The following TMPRSS15 variants were observed in gnomAD, a reference collection of about 807,000 sequenced individuals.
TMPRSS15 encodes transmembrane serine protease 15, also known as enteropeptidase.
TMPRSS15 carries 128 observed loss-of-function variants against 125.3 expected under a neutral mutation model. The ratio of observed to expected loss-of-function variants is 1.02; its 90% CI spans 0.89 to 1.18. TMPRSS15 has a LOEUF of 1.18. Among genes scored for constraint, TMPRSS15 ranks in the 50% most tolerant of loss-of-function variants. The pLI is 0.00. For synonymous variants in TMPRSS15, 446 were observed against 423.2 expected (o/e 1.05, Z -0.66); for missense variants, 1,283 against 1,212.7 (o/e 1.06, Z -0.86).
intron 18 of TMPRSS15, among the ~76,000 whole-genome samples, chr21:18,305,039 G>A (rs193059140): frequency 1.3e-5 from 2 of 152,168 alleles, no homozygotes; most frequent in Admixed American, 1.3e-4. Context: ...AAGGTTGAGA[G>A]CACTTACCCT....
chr21:18,448,036 A>G (rs2076259293), intron 1 of TMPRSS15, among the ~76,000 whole-genome samples: 2 of 152,224 alleles, frequency 1.3e-5, no homozygotes, highest in African/African-American at 4.8e-5. Context: ...TAGTACAGCC[A>G]TTATAAACAG....
At chr21:18,404,823 T>G (rs1280864204), upstream of TMPRSS15, among the ~76,000 whole-genome samples, 1 of 151,990 alleles carries the variant, frequency 6.6e-6, no homozygotes, top group Admixed American at 6.6e-5. Context: ...GCCCCCAAAC[T>G]CAAGAATTTT....
At position 18,416,412 on chromosome 21, in the gene TMPRSS15, T is replaced by G. The variant is rs551886906; in HGVS notation, c.11-18083A>C. Among the ~76,000 whole-genome samples the G allele has an allele frequency of 9.2e-5, 14 of 152,158 alleles. 1 individual carries two copies. The South Asian group carries it at 2.9e-3, about 31-fold the overall frequency. On this transcript the variant is annotated intron_variant, in intron 1 of 7. Coordinates refer to the TMPRSS15 transcript ENST00000422787. ...TTATACTCCATTTTAAACTTTACTT[T>G]TTCAGAATATCCTAGAGCAAAATTC...
intron 23 of TMPRSS15, among the ~76,000 whole-genome samples, chr21:18,276,705 CCTAG>C (rs1275510225): frequency 6.6e-6 from 1 of 151,554 alleles, no homozygotes; most frequent in Non-Finnish European, 1.5e-5. Context: ...TCATGGTTTT[CCTAG>C]CTAATCAATT....
rs545499468 is a variant in TMPRSS15, at chr21:18,468,592, C to T, written c.10+17207G>A. On this transcript the variant is annotated intron_variant, in intron 1 of 7. Transcript: ENST00000422787. ...TTATTTGCTTCATCAATTATTTCTA[C>T]AAACTTTTATTATATACATTTAGAA... 7.9e-5 allele frequency among the ~76,000 whole-genome samples: 12 copies of T among 152,100 alleles called. No individual in the cohort carries two copies. The South Asian group carries it at 2.5e-3, about 32-fold the overall frequency.
At chr21:18,423,027 T>G (rs193132034) in intron 1 of TMPRSS15, among the ~76,000 whole-genome samples, 27 of 152,322 alleles carry the variant, frequency 1.8e-4, no homozygotes, top group African/African-American at 6.5e-4. Context: ...GTCAGGCTCA[T>G]ATGCAGTGCC....
At chr21:18,338,523 C>A (rs996117271) in intron 13 of TMPRSS15, among the ~76,000 whole-genome samples, 2 of 152,092 alleles carry the variant, frequency 1.3e-5, no homozygotes, top group African/African-American at 4.8e-5. Flanking sequence ...GTCACCTACA[C>A]AAAATGAAGT....
intron 6 of TMPRSS15, among the ~76,000 whole-genome samples, chr21:18,366,717 G>C (rs1211249748): frequency 6.6e-6 from 1 of 151,942 alleles, no homozygotes; most frequent in Non-Finnish European, 1.5e-5. Flanking sequence ...CCCTTACAAT[G>C]TGTCTTTTTC....
At chr21:18,346,994 T>C (rs1569023623) in intron 10 of TMPRSS15, among the ~76,000 whole-genome samples, 2 of 152,334 alleles carry the variant, frequency 1.3e-5, no homozygotes, top group East Asian at 3.9e-4. Context: ...CAAAATTAGA[T>C]AATTTTAATA....
In TMPRSS15 at chr21:18,315,309, T is replaced by C. The variant is rs578243359; in HGVS notation, c.1922-53A>G. ...GGATAAAGAAAACACAAATGGATGA[T>C]TCTGGAGTACAAATCCCATTTGCTC... On this transcript the variant is annotated intron_variant, in intron 16 of 24. Transcript: ENST00000284885. 1.6e-5 allele frequency: 23 copies of C among 1,459,326 alleles called. No individual in the cohort carries two copies. In the African/African-American group the frequency reaches 1.8e-4, roughly 12 times the overall value. 90.4% of individuals were successfully genotyped at this position (1,459,326 alleles called of 1,614,324 possible). A position where few individuals can be genotyped will look rare whatever the true frequency, so the allele number is the denominator to read the frequency against.
In TMPRSS15 at chr21:18,441,663, TTATTATTA is replaced by T. The variant is rs1307379724; in HGVS notation, c.11-43342_11-43335del. 1.3e-3 allele frequency among the ~76,000 whole-genome samples: 45 copies of T among 35,108 alleles called. No individual in the cohort carries two copies. The South Asian group carries it at 0.051, about 40-fold the overall frequency. 23.0% of individuals were successfully genotyped at this position (35,108 alleles called of 152,430 possible). On this transcript the variant is annotated intron_variant, in intron 1 of 7. Transcript: ENST00000422787. ...AGAAGATTGTCAACTTTAGGACACA[TTATTATTA>T]TTATTATTATTATTATTATTATTAT... is the stretch of plus-strand genomic sequence containing the variant.
chr21:18,293,139 A>G (rs374037394), intron 21 of TMPRSS15, among the ~76,000 whole-genome samples: 3 of 152,182 alleles, frequency 2.0e-5, no homozygotes, highest in Admixed American at 6.5e-5. Context: ...GTATTTAGGC[A>G]TAAGTGCAAT....
intron 1 of TMPRSS15, among the ~76,000 whole-genome samples, chr21:18,457,288 CA>C (rs1978460864): frequency 6.6e-6 from 1 of 152,054 alleles, no homozygotes; most frequent in Non-Finnish European, 1.5e-5. Flanking sequence ...TGAATGGTGT[CA>C]GTCTTAAAAT....
chr21:18,343,376 G>T, intron 12 of TMPRSS15, 130 bp downstream of exon 12: 1 of 832,604 alleles, frequency 1.2e-6, no homozygotes, highest in Non-Finnish European at 1.9e-6. Flanking sequence ...ATGTGAGGTA[G>T]ATTGGGCAAG....
intron 16 of TMPRSS15, among the ~76,000 whole-genome samples, chr21:18,322,847 T>C (rs970544705): frequency 1.3e-5 from 2 of 152,206 alleles, no homozygotes; most frequent in African/African-American, 2.4e-5. Flanking sequence ...TAATTTATGG[T>C]ACATTTCAAA....
intron 1 of TMPRSS15, among the ~76,000 whole-genome samples, chr21:18,477,917 C>G (rs1387867314): frequency 6.6e-6 from 1 of 151,908 alleles, no homozygotes; most frequent in African/African-American, 2.4e-5. Context: ...TGGTTATCAC[C>G]CACAATTAGG....
intron 12 of TMPRSS15, 65 bp from the exon 13 acceptor site, chr21:18,341,613 CT>C: frequency 6.5e-7 from 1 of 1,542,742 alleles, no homozygotes; most frequent in Non-Finnish European, 9.0e-7. Context: ...CTTGATTCTT[CT>C]TGTGAGCCCA....
At chr21:18,357,178 G>T (rs2075633158) in intron 8 of TMPRSS15, among the ~76,000 whole-genome samples, 1 of 151,780 alleles carries the variant, frequency 6.6e-6, no homozygotes. Context: ...TTCATATGAA[G>T]TATTAATAAT....
At chr21:18,432,424 T>C (rs2076217950) in intron 1 of TMPRSS15, among the ~76,000 whole-genome samples, 1 of 152,200 alleles carries the variant, frequency 6.6e-6, no homozygotes, top group South Asian at 2.1e-4. Context: ...TAAATCTCAG[T>C]ACCTCAGATT....
Sources: gnomAD v4.1 joint callset for allele counts (sites outside exome capture counted in the v4.1 genomes callset) on GRCh38, gnomAD v4.1.1 for gene constraint, MANE v1.5 for transcripts, NCBI Gene and HGNC (gene_info 2026-07-23, HGNC 2026-07-21) for gene names.